HIVEP3: variants seen among roughly 807,000 people sequenced by gnomAD.
HIVEP3 encodes HIVEP zinc finger 3.
A neutral mutation model predicts 152.8 loss-of-function variants in HIVEP3; 49 were observed. That is an observed-to-expected ratio of 0.32 (90% CI 0.26 to 0.41). HIVEP3 has a LOEUF of 0.41. Ranked by LOEUF, HIVEP3 falls within the 10% of genes least tolerant of loss-of-function variation. The pLI is 1.00. For synonymous variants in HIVEP3, 1,269 were observed against 1,289.0 expected (o/e 0.98, Z 0.33); for missense variants, 2,790 against 3,103.3 (o/e 0.90, Z 2.40).
chr1:41,838,299 T>C (rs1217700773), intron 1 of HIVEP3, among the ~76,000 whole-genome samples: 1 of 152,158 alleles, frequency 6.6e-6, no homozygotes, highest in Admixed American at 6.5e-5. Flanking sequence ...AGCATTTCCA[T>C]CGCACAAGGA....
intron 1 of HIVEP3, among the ~76,000 whole-genome samples, chr1:41,853,193 A>G (rs1240410533): frequency 6.6e-6 from 1 of 152,202 alleles, no homozygotes; most frequent in African/African-American, 2.4e-5. Context: ...TGGATTTCTG[A>G]CAATGTTGCT....
At chr1:42,006,493 T>G (rs1645460040) in intron 1 of HIVEP3, among the ~76,000 whole-genome samples, 7 of 151,840 alleles carry the variant, frequency 4.6e-5, no homozygotes, top group Admixed American at 2.0e-4. Context: ...TATTTATTAG[T>G]TCATTGTCAA....
chr1:41,852,754 C>T lies in HIVEP3; in HGVS notation c.-801+65659G>A, dbSNP rs574000331. ...GTTACAGAAATCACCTCCTCTGACC[C>T]AGTTACTCCCAAACTGTTTCCACTC... On this transcript the variant is annotated intron_variant, in intron 1 of 8. Coordinates refer to ENST00000372583, the MANE Select transcript of HIVEP3 (RefSeq NM_024503.5). Among the ~76,000 whole-genome samples, 33 of 152,354 alleles carry T rather than the reference C, an allele frequency of 2.2e-4. No individual in the cohort carries two copies. In the South Asian group the frequency reaches 6.0e-3, roughly 28 times the overall value.
intron 2 of HIVEP3, among the ~76,000 whole-genome samples, chr1:41,673,556 G>A (rs1645909129): frequency 6.6e-6 from 1 of 152,172 alleles, no homozygotes. Flanking sequence ...CACACCCAGA[G>A]CTTCTCCTCA....
intron 1 of HIVEP3, among the ~76,000 whole-genome samples, chr1:41,758,848 C>T (rs1383694377): frequency 2.6e-5 from 4 of 152,172 alleles, no homozygotes; most frequent in Admixed American, 1.3e-4. Context: ...TAGACACCTC[C>T]CTTTTAGGAG....
intron 5 of HIVEP3, among the ~76,000 whole-genome samples, chr1:41,564,554 G>C (rs1644132384): frequency 6.6e-6 from 1 of 152,128 alleles, no homozygotes; most frequent in African/African-American, 2.4e-5. Flanking sequence ...CCCTAAAGAA[G>C]GCAACAGGAC....
chr1:41,783,230 G>A (rs1408450095), intron 1 of HIVEP3, among the ~76,000 whole-genome samples: 3 of 152,122 alleles, frequency 2.0e-5, no homozygotes, highest in East Asian at 1.9e-4. Flanking sequence ...GATTGTTGTC[G>A]GGTGTGGGTG....
At chr1:41,759,066 T>A (rs932123589) in intron 1 of HIVEP3, among the ~76,000 whole-genome samples, 4 of 152,136 alleles carry the variant, frequency 2.6e-5, no homozygotes, top group Non-Finnish European at 5.9e-5. Flanking sequence ...ATGACTCAAA[T>A]GGAAATTCCA....
chr1:41,633,121 C>T (rs531098544), intron 2 of HIVEP3, among the ~76,000 whole-genome samples: 21 of 152,192 alleles, frequency 1.4e-4, no homozygotes, highest in Admixed American at 3.3e-4. Context: ...CCACCACACC[C>T]GTGTCCAGGT....
chr1:41,998,285 A>T (rs1194743693), intron 1 of HIVEP3, among the ~76,000 whole-genome samples: 2 of 152,206 alleles, frequency 1.3e-5, no homozygotes, highest in African/African-American at 2.4e-5. Context: ...TTAAGTATTA[A>T]ATAATTTTTG....
In HIVEP3 at chr1:41,630,061, G is replaced by A. The variant is rs571145566; in HGVS notation, c.-720-1114C>T. Among the ~76,000 whole-genome samples, 17 of 152,314 alleles carry A rather than the reference G, an allele frequency of 1.1e-4. No individual in the cohort carries two copies. In the East Asian group the frequency reaches 2.1e-3, roughly 19 times the overall value. On this transcript the variant is annotated intron_variant, in intron 2 of 8. Coordinates refer to ENST00000372583, the MANE Select transcript of HIVEP3 (RefSeq NM_024503.5). ...GAGTGGTGGATGAGGTAAAGAAAATGTGATGCATATACACCATGGAATATT... is the reference window on the plus strand; with the variant it reads ...GAGTGGTGGATGAGGTAAAGAAAATATGATGCATATACACCATGGAATATT...
intron 5 of HIVEP3, among the ~76,000 whole-genome samples, chr1:41,526,711 TCACA>T (rs1303685226): frequency 3.5e-5 from 2 of 57,260 alleles, no homozygotes; most frequent in African/African-American, 1.4e-4. Context: ...ACACTCACCC[TCACA>T]CACACCCTCA....
At chr1:41,911,199 G>T (rs1460713322) in intron 1 of HIVEP3, among the ~76,000 whole-genome samples, 1 of 151,930 alleles carries the variant, frequency 6.6e-6, no homozygotes, top group African/African-American at 2.4e-5. Context: ...TGGGCAAAAG[G>T]CTTAAAGAGG....
At chr1:41,549,491 C>T (rs1558052354) in intron 5 of HIVEP3, among the ~76,000 whole-genome samples, 2 of 152,242 alleles carry the variant, frequency 1.3e-5, no homozygotes, top group South Asian at 4.1e-4. Flanking sequence ...CCCCCACCAA[C>T]AGTGTAAAAG....
intron 2 of HIVEP3, among the ~76,000 whole-genome samples, chr1:41,683,556 A>G (rs2124094895): frequency 6.6e-6 from 1 of 152,338 alleles, no homozygotes; most frequent in South Asian, 2.1e-4. Flanking sequence ...CTTCAGCAAA[A>G]ACAGCTTCTC....
intron 1 of HIVEP3, among the ~76,000 whole-genome samples, chr1:41,803,847 G>A (rs1210529755): frequency 6.6e-6 from 1 of 152,204 alleles, no homozygotes; most frequent in African/African-American, 2.4e-5. Context: ...CCCAGGGAAA[G>A]CTGTGCACAT....
chr1:41,661,273 T>C (rs925001929), intron 2 of HIVEP3, among the ~76,000 whole-genome samples: 6 of 152,230 alleles, frequency 3.9e-5, no homozygotes, highest in African/African-American at 1.2e-4. Context: ...TATATTTTTA[T>C]AGATAAACAA....
Position 41,934,344 on chromosome 1 carries a change from A to C in HIVEP3, n.120-15820T>G, listed in dbSNP as rs375421226. ...ATTCATATAGGTATGTTTCTTGCTT[A>C]GGTAAGTCAGAGCTCATATCTCATT... On this transcript the variant is annotated intron_variant and non_coding_transcript_variant, in intron 1 of 3. Coordinates refer to the HIVEP3 transcript ENST00000489103. Among the ~76,000 whole-genome samples the C allele has an allele frequency of 1.7e-3, 258 of 152,258 alleles. 7 individuals carry two copies. In the South Asian group the frequency reaches 0.05, roughly 30 times the overall value.
intron 2 of HIVEP3, among the ~76,000 whole-genome samples, chr1:41,632,896 C>T (rs937160743): frequency 6.6e-6 from 1 of 152,058 alleles, no homozygotes; most frequent in Non-Finnish European, 1.5e-5. Flanking sequence ...GTGTAGGGGC[C>T]GGGACATGAC....
Sources: allele counts gnomAD v4.1 joint callset (sites outside exome capture counted in the v4.1 genomes callset), GRCh38; gene constraint gnomAD v4.1.1; transcripts MANE v1.5; gene names NCBI Gene and HGNC (gene_info 2026-07-23, HGNC 2026-07-21).